Variants in LOC128462377 observed in about 807,000 individuals in gnomAD.
chr16:89,323,622 G>T, the LOC128462377 span: 1 of 324,436 alleles, frequency 3.1e-6, no homozygotes, highest in Non-Finnish European at 6.0e-6. Context: ...GGGAAGAGCC[G>T]AGGGACAGAG....
chr16:89,405,364 C>T, the LOC128462377 span, among the ~76,000 whole-genome samples: 4 of 152,178 alleles, frequency 2.6e-5, no homozygotes, highest in East Asian at 1.9e-4. Flanking sequence ...GGCTCTGTCA[C>T]GCAGGCTAGA....
the LOC128462377 span, among the ~76,000 whole-genome samples, chr16:89,339,622 T>C: frequency 1.8e-3 from 271 of 152,354 alleles, 2 homozygotes; most frequent in African/African-American, 5.8e-3. Flanking sequence ...TATCATTTTA[T>C]AACAAATTAG....
the LOC128462377 span, among the ~76,000 whole-genome samples, chr16:89,321,689 C>T: frequency 6.6e-6 from 1 of 151,886 alleles, no homozygotes; most frequent in African/African-American, 2.4e-5. Flanking sequence ...CACAACTAAT[C>T]TTAAAACTCA....
chr16:89,345,860 C>A, the LOC128462377 span, among the ~76,000 whole-genome samples: 1 of 152,110 alleles, frequency 6.6e-6, no homozygotes, highest in Non-Finnish European at 1.5e-5. Flanking sequence ...GTAAGGTGAG[C>A]CACTATAATA....
the LOC128462377 span, chr16:89,317,096 C>T: frequency 5.5e-6 from 8 of 1,465,382 alleles, no homozygotes; most frequent in African/African-American, 1.4e-5. Context: ...AGAGAAGACA[C>T]ACAATTCACT....
chr16:89,391,550 TGA>T, the LOC128462377 span, among the ~76,000 whole-genome samples: 1 of 152,220 alleles, frequency 6.6e-6, no homozygotes, highest in African/African-American at 2.4e-5. Flanking sequence ...CGCTGTGGCA[TGA>T]GAGCAAAGGA....
chr16:89,401,615 T>TC, the LOC128462377 span, among the ~76,000 whole-genome samples: 1 of 152,090 alleles, frequency 6.6e-6, no homozygotes, highest in Non-Finnish European at 1.5e-5. Flanking sequence ...TTGAAATGTG[T>TC]CCCCCAAGAA....
chr16:89,334,168 A>AAAAAAC, the LOC128462377 span, among the ~76,000 whole-genome samples: 2 of 146,676 alleles, frequency 1.4e-5, no homozygotes, highest in Non-Finnish European at 3.0e-5. Context: ...AAAAAAAAAA[A>AAAAAAC]AAAAACAGAG....
At chr16:89,361,262 C>T in the LOC128462377 span, among the ~76,000 whole-genome samples, 1 of 152,216 alleles carries the variant, frequency 6.6e-6, no homozygotes, top group Non-Finnish European at 1.5e-5. Context: ...CTGCCCCAAG[C>T]AGCAGGAAAC....
the LOC128462377 span, among the ~76,000 whole-genome samples, chr16:89,396,501 G>T: frequency 6.6e-6 from 1 of 152,042 alleles, no homozygotes; most frequent in African/African-American, 2.4e-5. Context: ...ATATCAAAAA[G>T]CTATTTATTA....
the LOC128462377 span, chr16:89,323,283 A>G: frequency 2.3e-6 from 3 of 1,288,606 alleles, no homozygotes; most frequent in Admixed American, 6.9e-5. Context: ...TACTGTGTGC[A>G]AAGCCCTTGA....
the LOC128462377 span, chr16:89,324,486 A>G: frequency 2.2e-6 from 1 of 456,488 alleles, no homozygotes; most frequent in African/African-American, 2.0e-5. Context: ...AAGGATGTGT[A>G]ACTGTTCCTG....
the LOC128462377 span, among the ~76,000 whole-genome samples, chr16:89,330,499 C>A: frequency 6.8e-4 from 104 of 152,038 alleles, no homozygotes; most frequent in Non-Finnish European, 1.3e-3. Context: ...CGTGGGGCTA[C>A]GTGAGGGTCC....
At chr16:89,404,822 C>A in the LOC128462377 span, among the ~76,000 whole-genome samples, 1 of 152,240 alleles carries the variant, frequency 6.6e-6, no homozygotes, top group Non-Finnish European at 1.5e-5. Context: ...CCAAATGCCA[C>A]CTTGACGCTG....
At chr16:89,346,975 G>C in the LOC128462377 span, among the ~76,000 whole-genome samples, 1 of 152,230 alleles carries the variant, frequency 6.6e-6, no homozygotes, top group Non-Finnish European at 1.5e-5. Flanking sequence ...AGACAAAATA[G>C]GAAGGCGCGA....
chr16:89,361,359 C>G, the LOC128462377 span: 1 of 152,882 alleles, frequency 6.5e-6, no homozygotes, highest in Non-Finnish European at 1.5e-5. Flanking sequence ...CACATTCCAG[C>G]TGTGCACTTC....
chr16:89,387,428 T>G, the LOC128462377 span, among the ~76,000 whole-genome samples: 26 of 151,840 alleles, frequency 1.7e-4, no homozygotes, highest in Non-Finnish European at 3.5e-4. Context: ...ATCCCAGCAC[T>G]TTGGGAGGCT....
the LOC128462377 span, chr16:89,319,928 A>T: frequency 1.3e-5 from 2 of 152,412 alleles, no homozygotes; most frequent in African/African-American, 4.8e-5. Flanking sequence ...TTTGGCCCCC[A>T]CACTGCCCTG....
the LOC128462377 span, among the ~76,000 whole-genome samples, chr16:89,356,416 C>G: frequency 5.9e-5 from 9 of 151,932 alleles, no homozygotes; most frequent in Admixed American, 5.9e-4. Flanking sequence ...GATGGAGCAG[C>G]TGGACACATT....
Sources: gnomAD v4.1 joint callset for allele counts (sites outside exome capture counted in the v4.1 genomes callset) on GRCh38, gnomAD v4.1.1 for gene constraint, MANE v1.5 for transcripts.